SLC5A11: variants seen among roughly 807,000 people sequenced by gnomAD.
SLC5A11 encodes the protein solute carrier family 5 member 11, also known as sodium/myo-inositol cotransporter 2.
A neutral mutation model predicts 69.8 loss-of-function variants in SLC5A11; 48 were observed. That is an observed-to-expected ratio of 0.69 (90% CI 0.55 to 0.87). The LOEUF (loss-of-function observed/expected upper bound fraction) is 0.87, where lower values mean the gene tolerates loss of function less well. Among genes scored for constraint, SLC5A11 ranks in the 40% least tolerant of loss-of-function variants. SLC5A11 has a pLI of 0.00. For missense variants in SLC5A11, 784 were observed against 866.1 expected (o/e 0.91, Z 1.19); for synonymous variants, 319 against 342.4 (o/e 0.93, Z 0.75).
intron 14 of SLC5A11, among the ~76,000 whole-genome samples, chr16:24,909,889 C>T (rs143007293): frequency 1.3e-5 from 2 of 148,724 alleles, no homozygotes; most frequent in East Asian, 4.0e-4. Context: ...CCCAGAATTT[C>T]TAGAGAATTT....
chr16:24,868,112 G>A (rs1186907979), intron 3 of SLC5A11, among the ~76,000 whole-genome samples: 1 of 150,758 alleles, frequency 6.6e-6, no homozygotes, highest in Non-Finnish European at 1.5e-5. Flanking sequence ...ATTCCAGCCT[G>A]GGTGACAAAG....
At chr16:24,875,847 G>C (rs2047637822) in intron 6 of SLC5A11, 116 bp downstream of exon 7, 1 of 835,574 alleles carries the variant, frequency 1.2e-6, no homozygotes, top group Non-Finnish European at 1.9e-6. Context: ...TTCATAGGCT[G>C]CAGGGAGATT....
chr16:24,869,389 C>T (rs767848660), intron 3 of SLC5A11, among the ~76,000 whole-genome samples: 2 of 152,128 alleles, frequency 1.3e-5, no homozygotes, highest in Non-Finnish European at 2.9e-5. Flanking sequence ...GGTACCCAGG[C>T]CTGTCCAGCC....
At chr16:24,854,599 A>T (rs1333733222) in intron 1 of SLC5A11, among the ~76,000 whole-genome samples, 3 of 151,964 alleles carry the variant, frequency 2.0e-5, no homozygotes, top group Non-Finnish European at 4.4e-5. Flanking sequence ...CCACCTAAAA[A>T]AATTGCATTT....
At chr16:24,904,645 C>T (rs1267676363) in intron 10 of SLC5A11, among the ~76,000 whole-genome samples, 1 of 152,180 alleles carries the variant, frequency 6.6e-6, no homozygotes, top group Non-Finnish European at 1.5e-5. Context: ...TCCACCACGG[C>T]TCCACTGGCT....
chr16:24,907,264 C>A, intron 12 of SLC5A11, 89 bp downstream of exon 13: 2 of 1,464,486 alleles, frequency 1.4e-6, no homozygotes, highest in Non-Finnish European at 1.9e-6. Context: ...AGCAACCTAT[C>A]CAGGCTGAAG....
At chr16:24,885,656 C>CAA (rs748412604) in intron 8 of SLC5A11, among the ~76,000 whole-genome samples, 747 of 65,932 alleles carry the variant, frequency 0.011, 28 homozygotes, top group African/African-American at 0.042. Context: ...GACCCTGTCT[C>CAA]AAAAAAAAAA....
intron 5 of SLC5A11, 103 bp from the exon 7 acceptor site, chr16:24,875,524 C>T: frequency 1.2e-6 from 1 of 854,548 alleles, no homozygotes. Flanking sequence ...ACCATCTGTG[C>T]TCTGAGTTGC....
chr16:24,890,677 T>C (rs1235016951), intron 8 of SLC5A11, among the ~76,000 whole-genome samples, 192 bp from the exon 10 acceptor site: 2 of 152,108 alleles, frequency 1.3e-5, no homozygotes, highest in African/African-American at 2.4e-5. Context: ...AGGTCAATTA[T>C]AGTCCAATAA....
At chr16:24,872,880 G>A (rs72770458) in intron 5 of SLC5A11, among the ~76,000 whole-genome samples, 24,192 of 134,834 alleles carry the variant, frequency 0.18, 2,317 homozygotes, top group Non-Finnish European at 0.2. Flanking sequence ...GCTTATGCCT[G>A]TAATCCTAGC....
intron 3 of SLC5A11, among the ~76,000 whole-genome samples, chr16:24,866,930 A>G (rs923895539): frequency 1.3e-5 from 2 of 152,204 alleles, no homozygotes; most frequent in African/African-American, 4.8e-5. Flanking sequence ...TCAAACACTA[A>G]TAATTGGTGA....
chr16:24,853,471 T>A (rs2152219169), intron 1 of SLC5A11, among the ~76,000 whole-genome samples: 1 of 152,152 alleles, frequency 6.6e-6, no homozygotes, highest in East Asian at 1.9e-4. Context: ...ACACAGCTGG[T>A]GACTAATAAA....
chr16:24,873,247 G>GGA (rs2047435539), intron 5 of SLC5A11, among the ~76,000 whole-genome samples: 57 of 101,486 alleles, frequency 5.6e-4, no homozygotes, highest in African/African-American at 1.8e-3. Context: ...GAGAGGGAGG[G>GGA]AGGAAGGAAG....
intron 10 of SLC5A11, among the ~76,000 whole-genome samples, chr16:24,898,965 C>A (rs1224683600): frequency 6.6e-6 from 1 of 152,094 alleles, no homozygotes; most frequent in East Asian, 1.9e-4. Context: ...TACAGGCATG[C>A]ACTACCACAC....
chr16:24,903,753 C>T (rs1049996753), intron 10 of SLC5A11, among the ~76,000 whole-genome samples: 1 of 152,136 alleles, frequency 6.6e-6, no homozygotes, highest in Non-Finnish European at 1.5e-5. Context: ...TTTCTTTACC[C>T]ATTCATCTGT....
intron 9 of SLC5A11, among the ~76,000 whole-genome samples, chr16:24,895,172 C>T (rs1173364229): frequency 6.6e-6 from 1 of 151,894 alleles, no homozygotes; most frequent in African/African-American, 2.4e-5. Context: ...GACTACTCTC[C>T]CTTTTAGGAT....
chr16:24,875,797 G>A (rs1210109746), intron 6 of SLC5A11, 66 bp downstream of exon 7: 2 of 1,274,394 alleles, frequency 1.6e-6, no homozygotes, highest in Non-Finnish European at 1.1e-6. Flanking sequence ...ACAGATCATT[G>A]CTCAGGAGTG....
At chr16:24,849,264 C>T (rs2059157017) in intron 1 of SLC5A11, among the ~76,000 whole-genome samples, 2 of 151,940 alleles carry the variant, frequency 1.3e-5, no homozygotes, top group African/African-American at 4.8e-5. Flanking sequence ...AACTTTCAGA[C>T]ATCTATTAAG....
intron 8 of SLC5A11, among the ~76,000 whole-genome samples, chr16:24,885,656 C>CAAAAAAA (rs748412604): frequency 3.0e-5 from 2 of 65,938 alleles, no homozygotes; most frequent in Non-Finnish European, 5.2e-5. Flanking sequence ...GACCCTGTCT[C>CAAAAAAA]AAAAAAAAAA....
Sources: gnomAD v4.1 joint callset for allele counts (sites outside exome capture counted in the v4.1 genomes callset) on GRCh38, gnomAD v4.1.1 for gene constraint, MANE v1.5 for transcripts, NCBI Gene and HGNC (gene_info 2026-07-23, HGNC 2026-07-21) for gene names.